CPXM2: variants seen among roughly 807,000 people sequenced by gnomAD.
The protein encoded by CPXM2 is inactive carboxypeptidase-like protein X2.
In CPXM2, 66 loss-of-function variants were observed where a neutral mutation model predicts 86.1. That is an observed-to-expected ratio of 0.77 (90% CI 0.63 to 0.94). The LOEUF (loss-of-function observed/expected upper bound fraction) is 0.94. Among genes scored for constraint, CPXM2 ranks in the 40% least tolerant of loss-of-function variants. The probability of loss-of-function intolerance (pLI) is 0.00; values close to 1 mark genes in which losing one functional copy is unlikely to be tolerated. For synonymous variants in CPXM2, 388 were observed against 400.2 expected, an observed-to-expected ratio of 0.97 and a Z score of 0.36; for missense variants, 948 against 1,026.3, an observed-to-expected ratio of 0.92 and a Z score of 1.04.
chr10:123,884,900 T>TCTTG (rs1945157514), intron 1 of CPXM2, among the ~76,000 whole-genome samples: 1 of 152,206 alleles, frequency 6.6e-6, no homozygotes, highest in Non-Finnish European at 1.5e-5. Context: ...TGGCCCCCAC[T>TCTTG]CTTGCCCTCT....
At chr10:123,908,174 C>T (rs973872634) in intron 2 of CPXM2, among the ~76,000 whole-genome samples, 5 of 151,620 alleles carry the variant, frequency 3.3e-5, no homozygotes, top group Non-Finnish European at 7.4e-5. Flanking sequence ...GGGACAGATT[C>T]AAGTCCACTG....
chr10:123,829,359 C>T (rs1004951781), intron 4 of CPXM2, among the ~76,000 whole-genome samples: 6 of 148,596 alleles, frequency 4.0e-5, no homozygotes, highest in Admixed American at 4.0e-4. Flanking sequence ...ATGTGTATAA[C>T]CAACGTGGAA....
chr10:123,813,806 A>G (rs1163281000), intron 4 of CPXM2, among the ~76,000 whole-genome samples: 1 of 152,196 alleles, frequency 6.6e-6, no homozygotes, highest in Non-Finnish European at 1.5e-5. Flanking sequence ...ATCTGCGTTA[A>G]TTATGTCTAC....
chr10:123,826,001 G>A (rs1363883865), intron 4 of CPXM2, among the ~76,000 whole-genome samples: 4 of 152,178 alleles, frequency 2.6e-5, no homozygotes, highest in Non-Finnish European at 1.5e-5. Context: ...CCATTGCACA[G>A]CATCATGTAG....
chr10:123,831,672 T>G (rs11248294), intron 4 of CPXM2, among the ~76,000 whole-genome samples: 1 of 151,772 alleles, frequency 6.6e-6, no homozygotes, highest in Non-Finnish European at 1.5e-5. Flanking sequence ...TGCCTTGTTG[T>G]AGGTCTCCTC....
chr10:123,906,818 C>G (rs1401125721), intron 2 of CPXM2, among the ~76,000 whole-genome samples: 3 of 152,112 alleles, frequency 2.0e-5, no homozygotes, highest in African/African-American at 7.2e-5. Context: ...AACCAAGGAC[C>G]AGGATGGAAA....
At chr10:123,766,804 T>C (rs1846485491) in intron 10 of CPXM2, among the ~76,000 whole-genome samples, 169 bp downstream of exon 10, 2 of 152,214 alleles carry the variant, frequency 1.3e-5, no homozygotes, top group African/African-American at 4.8e-5. Flanking sequence ...TCTCCCCAAA[T>C]ATCCACCTAA....
rs1258636849 is a variant in CPXM2, at chr10:123,754,365, A to G, written c.2017+298T>C. On this transcript the variant is annotated intron_variant, in intron 13 of 13. Transcript: ENST00000241305. The surrounding 1 kb of genome is among the most constrained non-coding windows in gnomAD (Gnocchi z 4.0). ...GAGAGCTAAGCTGCCTGCAGATGCA[A>G]CAACTCCATGGAGACAGAGCTGCTT... 6.6e-6 allele frequency among the ~76,000 whole-genome samples: 1 copy of G among 152,206 alleles called. No individual in the cohort carries two copies. The highest frequency in any genetic ancestry group is 2.4e-5 in the African/African-American group (1 of 41,464).
intron 13 of CPXM2, chr10:123,751,860 T>C (rs1341554967): frequency 1.0e-6 from 1 of 985,168 alleles, no homozygotes; most frequent in Non-Finnish European, 1.2e-6. Context: ...AAATTATTTA[T>C]AGAGGGGAAA....
At chr10:123,763,045 TTA>T (rs961062689) in intron 10 of CPXM2, among the ~76,000 whole-genome samples, 3 of 152,182 alleles carry the variant, frequency 2.0e-5, no homozygotes, top group African/African-American at 7.2e-5. Flanking sequence ...CCCTCTGGTT[TTA>T]TTTATTTATT....
At chr10:123,749,554 C>T (rs1202043915) in intron 13 of CPXM2, among the ~76,000 whole-genome samples, 1 of 152,182 alleles carries the variant, frequency 6.6e-6, no homozygotes, top group African/African-American at 2.4e-5. Context: ...GCGATGAAAT[C>T]CAAAGTCCTT....
intron 3 of CPXM2, among the ~76,000 whole-genome samples, chr10:123,851,413 C>T (rs931285833): frequency 6.6e-6 from 1 of 152,170 alleles, no homozygotes; most frequent in African/African-American, 2.4e-5. Flanking sequence ...GAATTGTGTT[C>T]CCCCTCTCCA....
chr10:123,941,220 G>A (rs1945774022), upstream of CPXM2, among the ~76,000 whole-genome samples: 1 of 152,182 alleles, frequency 6.6e-6, no homozygotes, highest in African/African-American at 2.4e-5. Flanking sequence ...GAAATGTATT[G>A]TCTCATAGTT....
intron 4 of CPXM2, among the ~76,000 whole-genome samples, chr10:123,804,644 TTC>T (rs1847539128): frequency 1.3e-5 from 2 of 152,242 alleles, no homozygotes; most frequent in Non-Finnish European, 2.9e-5. Context: ...CCAATGACAG[TTC>T]TGATTCTTTA....
intron 2 of CPXM2, among the ~76,000 whole-genome samples, chr10:123,897,579 A>C (rs903376072): frequency 2.1e-4 from 32 of 152,246 alleles, no homozygotes; most frequent in African/African-American, 6.5e-4. Context: ...CAGCATGGGC[A>C]CACTGGGGTG....
At chr10:123,843,171 C>A in intron 3 of CPXM2, 1 of 349,190 alleles carries the variant, frequency 2.9e-6, no homozygotes, top group South Asian at 2.2e-5. Context: ...AGGCTGGCCT[C>A]AGACTCCTGG....
chr10:123,873,964 A>T (rs1944937041), intron 2 of CPXM2, among the ~76,000 whole-genome samples: 1 of 146,952 alleles, frequency 6.8e-6, no homozygotes, highest in Non-Finnish European at 1.5e-5. Context: ...GGCTCAAGTG[A>T]TTCTTGTGCC....
Position 123,762,119 on chromosome 10 carries a change from A to T in CPXM2, c.1530T>A (p.Phe510Leu). ...CGCCCTGCAGGTTGCCGCCCAGCAC[A>T]AAAGGGATTTTTTCCATCCAGGCTA... ...AVIAWMEKIP[F>L]VLGGNLQGGE... Residue 510 changes from phenylalanine to leucine, a missense_variant, in exon 11 of 14, where the codon TTT (phenylalanine) becomes TTA (leucine). Coordinates refer to ENST00000241305, the MANE Select transcript of CPXM2 (RefSeq NM_198148.3). 1 of 1,614,152 alleles carries T rather than the reference A, an allele frequency of 6.2e-7. No individual in the cohort carries two copies. Among genetic ancestry groups the T allele is most frequent in the Non-Finnish European group, 8.5e-7 (1 of 1,180,032 alleles).
intron 4 of CPXM2, among the ~76,000 whole-genome samples, chr10:123,802,561 G>T (rs944678143): frequency 1.3e-5 from 2 of 152,190 alleles, no homozygotes; most frequent in Non-Finnish European, 2.9e-5. Context: ...TGCTAATGGG[G>T]ATTTGAGTAG....
Sources: gnomAD v4.1 joint callset for allele counts (sites outside exome capture counted in the v4.1 genomes callset) on GRCh38, gnomAD v4.1.1 for gene constraint, Gnocchi (gnomAD v3.1) non-coding constraint, MANE v1.5 for transcripts, NCBI Gene and HGNC (gene_info 2026-07-23, HGNC 2026-07-21) for gene names.